NPAS3: variants seen among roughly 807,000 people sequenced by gnomAD.
The protein encoded by NPAS3 is neuronal PAS domain protein 3.
Under a neutral mutation model 73.1 loss-of-function variants are expected in NPAS3, and 14 were observed. The ratio of observed to expected loss-of-function variants is 0.19; its 90% CI spans 0.13 to 0.30. NPAS3 has a LOEUF of 0.30. NPAS3 is among the 10% of genes least tolerant of loss of function. The probability of loss-of-function intolerance (pLI) is 1.00; values close to 1 mark genes in which losing one functional copy is unlikely to be tolerated. For missense variants in NPAS3, 1,096 were observed against 1,250.0 expected (o/e 0.88, Z 1.86); for synonymous variants, 620 against 541.5 (o/e 1.14, Z -2.01).
intron 3 of NPAS3, among the ~76,000 whole-genome samples, chr14:33,291,043 A>G (rs2042079165): frequency 6.6e-6 from 1 of 152,034 alleles, no homozygotes; most frequent in Non-Finnish European, 1.5e-5. Context: ...CGGTGTATCT[A>G]GGCTTTGCAA....
intron 1 of NPAS3, among the ~76,000 whole-genome samples, chr14:32,975,096 G>A (rs1406000027): frequency 3.3e-5 from 5 of 152,094 alleles, no homozygotes; most frequent in Non-Finnish European, 7.4e-5. Flanking sequence ...TGACATAAAA[G>A]TCTACAACAA....
At chr14:33,607,864 T>A (rs1472393797) in intron 5 of NPAS3, among the ~76,000 whole-genome samples, 1 of 152,114 alleles carries the variant, frequency 6.6e-6, no homozygotes, top group African/African-American at 2.4e-5. Context: ...ACGTGGCAGC[T>A]GCAAGAAGAG....
At chr14:33,078,063 C>G (rs946745178) in intron 2 of NPAS3, among the ~76,000 whole-genome samples, 1 of 151,710 alleles carries the variant, frequency 6.6e-6, no homozygotes, top group Non-Finnish European at 1.5e-5. Context: ...CGCCTGAACC[C>G]GGGAAGTGGA....
rs547910474 is a variant in NPAS3 at position 32,973,864 on chromosome 14, A to G, written c.50+34498A>G. Among the ~76,000 whole-genome samples the G allele has an allele frequency of 6.4e-4, 98 of 152,306 alleles. 1 individual carries two copies. The highest frequency in any genetic ancestry group is 2.1e-3 in the African/African-American group (89 of 41,574). ...ATTTTGAATTTTGAATGTCATTTCT[A>G]TCACAAGGAAGCCTAGTTTAAGTAA... On this transcript the variant is annotated intron_variant, in intron 1 of 11. Coordinates refer to ENST00000356141, the Ensembl canonical transcript of NPAS3.
Position 33,163,622 on chromosome 14 carries a change from TG to T in NPAS3, c.141-51559del, listed in dbSNP as rs1350506263. On this transcript the variant is annotated intron_variant, in intron 2 of 11. Coordinates refer to ENST00000356141, the Ensembl canonical transcript of NPAS3. ...GAATACTTAAGCAGAAGTGTTTTGT[TG>T]TTTTTTTTTTTTTTTTTTTTCAAAT... Among the ~76,000 whole-genome samples, 871 of 140,742 alleles carry T rather than the reference TG, an allele frequency of 6.2e-3. 7 individuals are homozygous for T. Among genetic ancestry groups the T allele is most frequent in the Non-Finnish European group, 1.0e-2 (651 of 65,336 alleles). 92.3% of individuals were successfully genotyped at this position (140,742 alleles called of 152,430 possible). A position where few individuals can be genotyped will look rare whatever the true frequency, so the allele number is the denominator to read the frequency against.
chr14:33,727,405 C>CATA (rs1299971825), intron 6 of NPAS3, among the ~76,000 whole-genome samples: 1 of 152,080 alleles, frequency 6.6e-6, no homozygotes, highest in Non-Finnish European at 1.5e-5. Flanking sequence ...ATTTGTAGCT[C>CATA]ATAATAACTA....
Position 33,270,211 on chromosome 14 carries a change from G to A in NPAS3, c.385+54785G>A, listed in dbSNP as rs763333794. On this transcript the variant is annotated intron_variant, in intron 3 of 11. Transcript: ENST00000356141. ...CTCCCAGACATTTCCAGAAGACTTG[G>A]CTCCCAGAGACTGAGAGTAATGCTT... is the stretch of plus-strand genomic sequence containing the variant. Among the ~76,000 whole-genome samples, 22 of 152,066 alleles carry A rather than the reference G, an allele frequency of 1.4e-4. 1 individual carries two copies. Among genetic ancestry groups the A allele is most frequent in the Non-Finnish European group, 1.9e-4 (13 of 68,008 alleles).
At chr14:33,132,314 A>G (rs1055362985) in intron 2 of NPAS3, among the ~76,000 whole-genome samples, 2 of 152,154 alleles carry the variant, frequency 1.3e-5, no homozygotes, top group Admixed American at 6.6e-5. Flanking sequence ...AGTGCTGAAG[A>G]GACAAACTTA....
intron 10 of NPAS3, 87 bp from the exon 11 acceptor site, chr14:33,797,370 T>C: frequency 7.0e-7 from 1 of 1,427,388 alleles, no homozygotes; most frequent in Non-Finnish European, 9.7e-7. Flanking sequence ...TCCAGAAGTC[T>C]GGGACAAAGA....
rs545539086 is a variant in NPAS3, at chr14:33,529,314, T to C, written c.469-30807T>C. Among the ~76,000 whole-genome samples the C allele has an allele frequency of 2.6e-5, 4 of 152,214 alleles. No individual in the cohort carries two copies. In the South Asian group the frequency reaches 8.3e-4, roughly 32 times the overall value. ...CCTAGGAAGAAAACTAAAGATGCCA[T>C]CAGGGTGCTTAACTAGTCTATATTT... On this transcript the variant is annotated intron_variant, in intron 4 of 11. Coordinates refer to ENST00000356141, the Ensembl canonical transcript of NPAS3.
At chr14:33,703,309 A>AC (rs1255850742) in intron 6 of NPAS3, among the ~76,000 whole-genome samples, 1 of 151,106 alleles carries the variant, frequency 6.6e-6, no homozygotes, top group Non-Finnish European at 1.5e-5. Context: ...ACACAGTGAG[A>AC]CCCCCCATTT....
intron 2 of NPAS3, among the ~76,000 whole-genome samples, chr14:33,095,488 A>G (rs2042375725): frequency 6.6e-6 from 1 of 152,122 alleles, no homozygotes; most frequent in Non-Finnish European, 1.5e-5. Flanking sequence ...CTCTGCAGAG[A>G]AAACAGAGAT....
chr14:33,059,492 A>G (rs2041013008), intron 2 of NPAS3, among the ~76,000 whole-genome samples: 1 of 152,202 alleles, frequency 6.6e-6, no homozygotes, highest in Non-Finnish European at 1.5e-5. Flanking sequence ...ATAGTGTTTT[A>G]AAAAATACAC....
chr14:33,331,957 AATG>A (rs2044005390), intron 3 of NPAS3, among the ~76,000 whole-genome samples: 1 of 152,202 alleles, frequency 6.6e-6, no homozygotes, highest in Non-Finnish European at 1.5e-5. Context: ...TGCTCATCGT[AATG>A]ATACCTTTAG....
chr14:33,506,430 A>G (rs2052765486), intron 4 of NPAS3, among the ~76,000 whole-genome samples: 1 of 152,098 alleles, frequency 6.6e-6, no homozygotes, highest in African/African-American at 2.4e-5. Context: ...TGGAAGGATT[A>G]AAAGGAGACT....
At chr14:33,154,462 C>T (rs2044575699) in intron 2 of NPAS3, among the ~76,000 whole-genome samples, 1 of 152,212 alleles carries the variant, frequency 6.6e-6, no homozygotes, top group African/African-American at 2.4e-5. Flanking sequence ...GTGTCTCCTG[C>T]TTCGTGGTTT....
chr14:33,504,589 A>G (rs905711116), intron 4 of NPAS3, among the ~76,000 whole-genome samples: 3 of 151,996 alleles, frequency 2.0e-5, no homozygotes, highest in Non-Finnish European at 4.4e-5. Flanking sequence ...TTAAATTGTT[A>G]AACTTAAGTA....
intron 1 of NPAS3, among the ~76,000 whole-genome samples, chr14:32,989,470 C>T (rs974724876): frequency 2.0e-5 from 3 of 152,118 alleles, no homozygotes; most frequent in Non-Finnish European, 2.9e-5. Flanking sequence ...CGGTGAAACC[C>T]CGTCTCTACT....
chr14:33,534,548 C>T (rs1301001593), intron 4 of NPAS3, among the ~76,000 whole-genome samples: 1 of 152,076 alleles, frequency 6.6e-6, no homozygotes, highest in African/African-American at 2.4e-5. Flanking sequence ...GGCTTCTTAC[C>T]TGTCATTTTC....
Sources: gnomAD v4.1 joint callset for allele counts (sites outside exome capture counted in the v4.1 genomes callset) on GRCh38, gnomAD v4.1.1 for gene constraint, MANE v1.5 for transcripts, NCBI Gene and HGNC (gene_info 2026-07-23, HGNC 2026-07-21) for gene names.